The following ABI2 variants were observed in gnomAD, a reference collection of about 807,000 sequenced individuals.
ABI2 encodes the protein abelson interactor 2.
A neutral mutation model predicts 59.2 loss-of-function variants in ABI2; 25 were observed. That is an observed-to-expected ratio of 0.42 (90% confidence interval 0.31 to 0.59). The LOEUF (loss-of-function observed/expected upper bound fraction) is 0.59. Ranked by LOEUF, ABI2 falls within the 20% of genes least tolerant of loss-of-function variation. The probability of loss-of-function intolerance (pLI) is 0.14; values close to 1 mark genes in which losing one functional copy is unlikely to be tolerated. For missense variants in ABI2, 545 were observed against 681.8 expected (o/e 0.80, Z 2.23); for synonymous variants, 213 against 235.5 (o/e 0.90, Z 0.87).
chr2:203,375,948 A>T (rs1183682955), intron 2 of ABI2: 22 of 785,366 alleles, frequency 2.8e-5, no homozygotes, highest in Non-Finnish European at 4.0e-5. Flanking sequence ...CTGCAGTTCA[A>T]CCCCGTGTGG....
chr2:203,396,284 A>G (rs533863818), intron 7 of ABI2, among the ~76,000 whole-genome samples: 2 of 152,200 alleles, frequency 1.3e-5, no homozygotes, highest in Non-Finnish European at 2.9e-5. Context: ...GTGACACAAA[A>G]TACATTAATA....
intron 11 of ABI2, among the ~76,000 whole-genome samples, chr2:203,420,884 G>A (rs2098170792): frequency 6.6e-6 from 1 of 151,414 alleles, no homozygotes; most frequent in Non-Finnish European, 1.5e-5. Context: ...GAGAAAGGAA[G>A]GGCCTTCCAA....
At chr2:203,342,552 T>TTTTA (rs10623488) in intron 1 of ABI2, among the ~76,000 whole-genome samples, 37,399 of 140,274 alleles carry the variant, frequency 0.27, 5,468 homozygotes, top group Non-Finnish European at 0.32. Flanking sequence ...CCTCAAAACC[T>TTTTA]TTTATTTATT....
At chr2:203,371,428 CTT>C (rs2095178413) in intron 2 of ABI2, among the ~76,000 whole-genome samples, 1 of 152,112 alleles carries the variant, frequency 6.6e-6, no homozygotes, top group Non-Finnish European at 1.5e-5. Flanking sequence ...GTATCAGACA[CTT>C]TTTTGTATTA....
At chr2:203,381,455 C>G (rs2096121729) in intron 3 of ABI2, among the ~76,000 whole-genome samples, 1 of 152,246 alleles carries the variant, frequency 6.6e-6, no homozygotes, top group Admixed American at 6.5e-5. Flanking sequence ...TTTGTAGTGA[C>G]AGGGCCTGTC....
rs1402325484 is a variant in ABI2 at position 203,394,717 on chromosome 2, G to A, written c.596G>A (p.Arg199His). Residue 199 changes from arginine to histidine, a missense_variant, in exon 6 of 12, where the codon CGC becomes CAC. Coordinates refer to ENST00000261018, the MANE Select transcript of ABI2 (RefSeq NM_001375670.1). ...KGTLGRHSPY[R>H]TLEPVRPPVV... ...TTTTGTAGGCGGCACTCCCCCTATC[G>A]CACACTGGAGCCAGTGCGTCCTCCA... is the stretch of plus-strand genomic sequence containing the variant. 6 of 1,613,854 alleles carry A rather than the reference G, an allele frequency of 3.7e-6. No individual in the cohort carries two copies. Among genetic ancestry groups the A allele is most frequent in the South Asian group, 1.1e-5 (1 of 91,044 alleles).
At chr2:203,420,244 T>C (rs2153570322) in intron 11 of ABI2, among the ~76,000 whole-genome samples, 1 of 152,296 alleles carries the variant, frequency 6.6e-6, no homozygotes, top group African/African-American at 2.4e-5. Context: ...CCTGGAAAAC[T>C]TTTTTACTGC....
At chr2:203,380,490 C>A in intron 3 of ABI2, 106 bp downstream of exon 3, 3 of 707,364 alleles carry the variant, frequency 4.2e-6, no homozygotes, top group South Asian at 3.3e-5. Flanking sequence ...AGGACAAAGT[C>A]TTGGCCCAGT....
At chr2:203,422,096 G>A (rs886140830) in intron 11 of ABI2, among the ~76,000 whole-genome samples, 1 of 151,912 alleles carries the variant, frequency 6.6e-6, no homozygotes, top group Non-Finnish European at 1.5e-5. Context: ...AGGAGTTCAA[G>A]ACCAGCCTGG....
intron 1 of ABI2, chr2:203,329,325 T>C (rs1242298812): frequency 6.8e-6 from 1 of 147,932 alleles, no homozygotes; most frequent in Non-Finnish European, 1.5e-5. Context: ...ATTGGGAAGA[T>C]GAACCTCCTG....
intron 1 of ABI2, among the ~76,000 whole-genome samples, chr2:203,338,472 G>C (rs1450176241): frequency 1.3e-5 from 2 of 151,954 alleles, no homozygotes; most frequent in Non-Finnish European, 2.9e-5. Context: ...CTTGGTTCAC[G>C]TGAGAACTGG....
intron 1 of ABI2, among the ~76,000 whole-genome samples, chr2:203,366,255 C>G (rs1018236902): frequency 6.6e-6 from 1 of 152,058 alleles, no homozygotes; most frequent in South Asian, 2.1e-4. Context: ...TCTAGGAGTT[C>G]GAGACCAGCT....
intron 4 of ABI2, among the ~76,000 whole-genome samples, chr2:203,387,227 C>A (rs1453818257): frequency 6.6e-6 from 1 of 152,000 alleles, no homozygotes; most frequent in Non-Finnish European, 1.5e-5. Flanking sequence ...GAGGTGATGT[C>A]TTCTATGAAT....
chr2:203,395,742 T>A lies in ABI2; in HGVS notation c.812T>A (p.Ile271Asn). The A allele has an allele frequency of 3.1e-6, 5 of 1,610,030 alleles. No individual in the cohort carries two copies. The highest frequency in any genetic ancestry group is 4.2e-6 in the Non-Finnish European group (5 of 1,178,188). ...GGAAGTGGTAGTGTGGGGGTTCCTATTGCTGTTCCTACTCCATCTCCTCCC... is the reference window on the plus strand; with the variant it reads ...GGAAGTGGTAGTGTGGGGGTTCCTAATGCTGTTCCTACTCCATCTCCTCCC... ...NSGSGSVGVP[I>N]AVPTPSPPSV... is the part of the protein sequence containing the mutation. Residue 271 changes from isoleucine (I) to asparagine (N), a missense_variant, in exon 7 of 12, where the codon ATT becomes AAT. By Grantham distance (149) the Ile-to-Asn change is moderately radical. Transcript: ENST00000261018.
Position 203,395,665 on chromosome 2 carries a change from G to A in ABI2, c.735G>A (p.Gly245=), listed in dbSNP as rs757703666. The A allele has an allele frequency of 7.4e-6, 12 of 1,610,888 alleles. 1 individual carries two copies. In the South Asian group the frequency reaches 7.7e-5, roughly 10 times the overall value. The part of the protein sequence containing the change: ...NQRNRTYSSS[G]SSGGSHPSSR... ...GCTCTTATTTCTTTAGCAGCAGTGG[G>A]AGTAGTGGAGGGAGCCACCCAAGTA... Residue 245 remains glycine (G), a synonymous_variant, in exon 7 of 12, where the codon GGG becomes GGA. Transcript: ENST00000261018.
chr2:203,338,935 T>C (rs2077847288), intron 1 of ABI2, among the ~76,000 whole-genome samples: 3 of 2,528 alleles, frequency 1.2e-3, no homozygotes, highest in Non-Finnish European at 4.9e-3. Context: ...TGTGTATATG[T>C]ATATATATAT....
At chr2:203,346,042 A>G (rs1024097334) in intron 1 of ABI2, among the ~76,000 whole-genome samples, 4 of 151,244 alleles carry the variant, frequency 2.6e-5, no homozygotes, top group African/African-American at 9.7e-5. Context: ...GCACACACAC[A>G]CACAAACTGA....
chr2:203,346,286 A>G (rs1187724011), intron 1 of ABI2, among the ~76,000 whole-genome samples: 1 of 152,164 alleles, frequency 6.6e-6, no homozygotes, highest in Admixed American at 6.5e-5. Flanking sequence ...ACCGGATGCT[A>G]CTTTGGTATT....
In ABI2 at chr2:203,369,871, T is replaced by A. The variant is rs1180707135; in HGVS notation, c.285+2827T>A. 6.6e-5 allele frequency among the ~76,000 whole-genome samples: 10 copies of A among 151,458 alleles called. 1 individual carries two copies. Among genetic ancestry groups the A allele is most frequent in the Non-Finnish European group, 1.5e-4 (10 of 67,954 alleles). ...TATATTTAAGAAATAAGAGTAATTT[T>A]AAAAATTTATGTATTTTCTAGCATT... On this transcript the variant is annotated intron_variant, in intron 2 of 11. Coordinates refer to ENST00000261018, the MANE Select transcript of ABI2 (RefSeq NM_001375670.1).
Sources: allele counts gnomAD v4.1 joint callset (sites outside exome capture counted in the v4.1 genomes callset), GRCh38; gene constraint gnomAD v4.1.1; transcripts MANE v1.5; gene names NCBI Gene and HGNC (gene_info 2026-07-23, HGNC 2026-07-21).